Variants in PAPSS2 observed in about 807,000 individuals in gnomAD.
PAPSS2 encodes bifunctional 3'-phosphoadenosine 5'-phosphosulfate synthase 2.
A neutral mutation model predicts 66.5 loss-of-function variants in PAPSS2; 61 were observed. The observed-to-expected ratio is 0.92, with a 90% confidence interval of 0.75 to 1.14. The LOEUF is 1.14. Among genes scored for constraint, PAPSS2 ranks in the 50% most tolerant of loss-of-function variants. The pLI, the probability that PAPSS2 is intolerant of heterozygous loss-of-function variation, is 0.00. For synonymous variants in PAPSS2, 289 were observed against 287.5 expected (o/e 1.01, Z -0.05); for missense variants, 708 against 789.6 (o/e 0.90, Z 1.24).
intron 2 of PAPSS2, among the ~76,000 whole-genome samples, chr10:87,710,909 A>C (rs1328587419): frequency 6.6e-6 from 1 of 152,172 alleles, no homozygotes. Context: ...AAGCTGAGGC[A>C]GGAGAATCAC....
intron 1 of PAPSS2, among the ~76,000 whole-genome samples, chr10:87,671,487 T>G (rs1852877566): frequency 6.6e-6 from 1 of 152,188 alleles, no homozygotes; most frequent in South Asian, 2.1e-4. Context: ...AAGGCTTCAG[T>G]GTTCTAGTGG....
At chr10:87,725,989 C>T (rs1853655279) in intron 8 of PAPSS2, among the ~76,000 whole-genome samples, 1 of 151,882 alleles carries the variant, frequency 6.6e-6, no homozygotes, top group African/African-American at 2.4e-5. Flanking sequence ...AGCAATCCTC[C>T]CATCTTGGCC....
chr10:87,704,633 C>CT (rs1051899304), intron 1 of PAPSS2, among the ~76,000 whole-genome samples: 5 of 151,884 alleles, frequency 3.3e-5, no homozygotes, highest in African/African-American at 1.2e-4. Context: ...CATCTGCTTA[C>CT]TTTTTTTTGT....
At chr10:87,739,884 T>C (rs1032947690) in intron 9 of PAPSS2, among the ~76,000 whole-genome samples, 1 of 152,230 alleles carries the variant, frequency 6.6e-6, no homozygotes, top group Admixed American at 6.5e-5. Flanking sequence ...TCTTGGCCCT[T>C]GAGTCCCCGT....
chr10:87,733,695 GTAGT>G (rs1292318374), intron 9 of PAPSS2, among the ~76,000 whole-genome samples: 1 of 152,090 alleles, frequency 6.6e-6, no homozygotes, highest in Admixed American at 6.5e-5. Context: ...TGAGGGGTGG[GTAGT>G]TAAAGCTCCC....
At position 87,724,579 on chromosome 10, in the gene PAPSS2, G is replaced by A. The variant is rs941219388; in HGVS notation, c.881-2705G>A. On this transcript the variant is annotated intron_variant, in intron 8 of 12. Transcript: ENST00000456849. ...ATATAGACATAGATATAAAATATAT[G>A]TAACATATTTAAATAAATTTATATA... Among the ~76,000 whole-genome samples, 89 of 148,788 alleles carry A rather than the reference G, an allele frequency of 6.0e-4. 1 individual carries two copies. Among genetic ancestry groups the A allele is most frequent in the Admixed American group, 5.9e-3 (88 of 14,848 alleles).
Position 87,714,997 on chromosome 10 carries a change from T to C in PAPSS2, c.652T>C (p.Tyr218His), listed in dbSNP as rs752747677. The change falls in exon 6 of 13, where the codon TAT (tyrosine) becomes CAT (histidine). Residue 218 changes from tyrosine to histidine, a missense_variant. Coordinates refer to ENST00000456849, the MANE Select transcript of PAPSS2 (RefSeq NM_001015880.2). Reference sequence around the variant, plus strand: ...TGTTTCATTTCAGAACATTGTACCCTATACTATAATCAAAGATATCCACGA... The same window carrying C: ...TGTTTCATTTCAGAACATTGTACCCCATACTATAATCAAAGATATCCACGA... ...ELLQEQNIVP[Y>H]TIIKDIHELF... The C allele has an allele frequency of 5.0e-6, 8 of 1,606,124 alleles. No individual in the cohort carries two copies. The highest frequency in any genetic ancestry group is 3.3e-5 in the South Asian group (3 of 90,934).
intron 1 of PAPSS2, among the ~76,000 whole-genome samples, chr10:87,684,498 G>A (rs148223975): frequency 7.2e-5 from 11 of 152,292 alleles, no homozygotes; most frequent in Non-Finnish European, 1.6e-4. Context: ...GATGTCTGCC[G>A]TGTCTTTGAA....
At chr10:87,741,507 G>T in intron 10 of PAPSS2, 137 bp downstream of exon 10, 1 of 737,774 alleles carries the variant, frequency 1.4e-6, no homozygotes, top group South Asian at 1.5e-5. Flanking sequence ...TAATTCTCCT[G>T]CCTCAGCCTC....
intron 1 of PAPSS2, among the ~76,000 whole-genome samples, chr10:87,684,415 G>C (rs1046580969): frequency 3.3e-5 from 5 of 152,194 alleles, no homozygotes; most frequent in Admixed American, 2.6e-4. Flanking sequence ...CTAATGCTTT[G>C]TGTAAGTCTT....
At chr10:87,666,793 A>G (rs879641657) in intron 1 of PAPSS2, among the ~76,000 whole-genome samples, 5 of 152,090 alleles carry the variant, frequency 3.3e-5, no homozygotes, top group Non-Finnish European at 7.4e-5. Context: ...ACATGTCCCC[A>G]CTACTCCCAG....
chr10:87,709,344 TAC>T, intron 2 of PAPSS2, 31 bp downstream of exon 2: 4 of 1,004,398 alleles, frequency 4.0e-6, no homozygotes, highest in Non-Finnish European at 4.5e-6. Context: ...TATATATATA[TAC>T]AAATTGCAAA....
chr10:87,699,564 AC>A (rs1450246107), intron 1 of PAPSS2, among the ~76,000 whole-genome samples: 1 of 152,234 alleles, frequency 6.6e-6, no homozygotes, highest in Non-Finnish European at 1.5e-5. Flanking sequence ...TAAGAATCAA[AC>A]CATTGTCTGG....
At chr10:87,660,779 T>A (rs1411288100) in intron 1 of PAPSS2, among the ~76,000 whole-genome samples, 1 of 145,604 alleles carries the variant, frequency 6.9e-6, no homozygotes, top group African/African-American at 2.5e-5. Flanking sequence ...AGCAGTTCTA[T>A]TTGTCAATTA....
intron 1 of PAPSS2, among the ~76,000 whole-genome samples, chr10:87,698,999 A>G (rs1044810944): frequency 6.6e-6 from 1 of 152,260 alleles, no homozygotes; most frequent in Non-Finnish European, 1.5e-5. Flanking sequence ...TGACTGCATC[A>G]AAGTTGAATG....
In PAPSS2 at chr10:87,659,990, G is replaced by T. The variant is rs1176539605; in HGVS notation, c.9G>T (p.Gly3=). 1.2e-6 allele frequency: 2 copies of T among 1,613,334 alleles called. No homozygotes were observed. ...CGCCGCAGCCAGCCAGCATGTCGGG[G>T]ATCAAGAAGCAAAAGACGGTAGGCT... MS[G]IKKQKTENQQ... is the part of the protein sequence containing the mutation. The change falls in exon 1 of 13, where the codon GGG becomes GGT. Residue 3 remains glycine (G), a synonymous_variant. Transcript: ENST00000456849.
chr10:87,714,963 T>A, intron 5 of PAPSS2, 22 bp from the exon 6 acceptor site: 1 of 1,508,044 alleles, frequency 6.6e-7, no homozygotes, highest in Non-Finnish European at 9.2e-7. Context: ...TTCAAGTTTT[T>A]ACCAATGCTG....
chr10:87,682,307 T>C (rs967626134), intron 1 of PAPSS2, among the ~76,000 whole-genome samples: 2 of 152,218 alleles, frequency 1.3e-5, no homozygotes, highest in East Asian at 3.9e-4. Context: ...TCCCCAGTCT[T>C]GCAGGCACAA....
chr10:87,727,952 A>G (rs755703579), intron 9 of PAPSS2, among the ~76,000 whole-genome samples: 2 of 152,222 alleles, frequency 1.3e-5, no homozygotes, highest in Non-Finnish European at 2.9e-5. Context: ...GAGGGGGTCA[A>G]TGATACTCTC....
Sources: allele counts gnomAD v4.1 joint callset (sites outside exome capture counted in the v4.1 genomes callset), GRCh38; gene constraint gnomAD v4.1.1; transcripts MANE v1.5; gene names NCBI Gene and HGNC (gene_info 2026-07-23, HGNC 2026-07-21).